The following C3 variants were observed in gnomAD, a reference collection of about 807,000 sequenced individuals.
C3 encodes the protein C3 and PZP-like alpha-2-macroglobulin domain-containing protein 1.
A neutral mutation model predicts 207.9 loss-of-function variants in C3; 97 were observed. That is an observed-to-expected ratio of 0.47 (90% confidence interval 0.40 to 0.55). The LOEUF (loss-of-function observed/expected upper bound fraction) is 0.55, where lower values mean the gene tolerates loss of function less well. Ranked by LOEUF, C3 falls within the 20% of genes least tolerant of loss-of-function variation. The probability of loss-of-function intolerance (pLI) is 0.00; values close to 1 mark genes in which losing one functional copy is unlikely to be tolerated. For missense variants in C3, 1,684 were observed against 2,171.7 expected, an observed-to-expected ratio of 0.78 and a Z score of 4.46; for synonymous variants, 848 against 857.6, an observed-to-expected ratio of 0.99 and a Z score of 0.20.
At position 6,678,093 on chromosome 19, in the gene C3, G is replaced by A. The variant is rs536092913; in HGVS notation, c.4850+59C>T. On this transcript the variant is annotated intron_variant, in intron 40 of 40. Coordinates refer to ENST00000245907, the MANE Select transcript of C3 (RefSeq NM_000064.4). The stretch of plus-strand genomic sequence containing the variant: ...TGGCGCAGGGGCGTGACAATGGTGT[G>A]GGCGTGGCATGGGCGGGGCAGTCGG... 5 of 1,614,048 alleles carry A rather than the reference G, an allele frequency of 3.1e-6. No individual in the cohort carries two copies. In the Admixed American group the frequency reaches 5.0e-5, roughly 16 times the overall value.
intron 33 of C3, chr19:6,682,790 A>G (rs1917897712): frequency 6.0e-6 from 1 of 166,848 alleles, no homozygotes; most frequent in African/African-American, 2.4e-5. Context: ...CACAGACAGC[A>G]AAGTGTGTAG....
In C3 at chr19:6,679,208, T is replaced by G. The variant is rs1019532370; in HGVS notation, c.4547A>C (p.Glu1516Ala). ...CRDELCRCAE[E>A]NCFIQKSDDK... ...ATCCGACTTTTGTATGAAGCAATTC[T>G]CTGCAGGGTGGGGTGGAGACAGGGT... The change falls in exon 38 of 41, where the codon GAG becomes GCG. Residue 1516 changes from glutamate (E) to alanine (A), a missense_variant and splice_region_variant. By Grantham distance (107) the Glu-to-Ala change is moderately radical (BLOSUM62 -1). Transcript: ENST00000245907. The G allele has an allele frequency of 2.2e-5, 35 of 1,613,818 alleles. No individual in the cohort carries two copies. Among genetic ancestry groups the G allele is most frequent in the Non-Finnish European group, 2.9e-5 (34 of 1,179,762 alleles).
intron 19 of C3, among the ~76,000 whole-genome samples, chr19:6,699,451 T>C (rs1478134425): frequency 6.6e-6 from 1 of 151,924 alleles, no homozygotes; most frequent in African/African-American, 2.4e-5. Flanking sequence ...AAACCTAGCA[T>C]CCTGCGCTGG....
At chr19:6,684,890 GTGATGGT>G in intron 30 of C3, 56 bp from the exon 31 acceptor site, 1 of 1,608,110 alleles carries the variant, frequency 6.2e-7, no homozygotes, top group Non-Finnish European at 8.5e-7. Flanking sequence ...TCTGCTGCCT[GTGATGGT>G]CACCTGGCCC....
At chr19:6,717,036 AT>A (rs113677312) in intron 4 of C3, 3,667 of 151,976 alleles carry the variant, frequency 0.024, 118 homozygotes, top group East Asian at 0.072. Context: ...AACAGGGAGG[AT>A]GGCCCGTGTG....
rs150374407 is a variant in C3, at chr19:6,709,828, G to A, written c.1701C>T (p.Ser567=). 7.4e-6 allele frequency: 12 copies of A among 1,613,824 alleles called. No homozygotes were observed. Among genetic ancestry groups the A allele is most frequent in the Middle Eastern group, 1.7e-4 (1 of 6,060 alleles). Residue 567 remains serine (S), a synonymous_variant, in exon 14 of 41, where the codon AGC becomes AGT. Transcript: ENST00000245907. ...DSCVGSLVVK[S]GQSEDRQPVP... ...CAGGCTGCCGGTCTTCTGACTGGCC[G>A]CTTTTTACCACCAGCTGTGGGGAGG... is the stretch of plus-strand genomic sequence containing the variant.
chr19:6,705,745 G>A (rs1234108022), intron 17 of C3, among the ~76,000 whole-genome samples: 2 of 151,704 alleles, frequency 1.3e-5, no homozygotes, highest in African/African-American at 4.9e-5. Context: ...CACAATCTCA[G>A]CTCACTGCAA....
intron 33 of C3, 168 bp downstream of exon 33, chr19:6,684,220 A>G: frequency 1.4e-6 from 1 of 735,268 alleles, no homozygotes; most frequent in East Asian, 2.5e-5. Context: ...TCACATTAAC[A>G]TGCAAAGCAA....
intron 27 of C3, among the ~76,000 whole-genome samples, chr19:6,689,298 CCTCTCTCT>C (rs371248769): frequency 1.8e-5 from 2 of 113,010 alleles, no homozygotes; most frequent in Non-Finnish European, 3.7e-5. Flanking sequence ...CCCCACCTCT[CCTCTCTCT>C]CTCTCTCTCT....
chr19:6,709,460 C>CA, intron 14 of C3, among the ~76,000 whole-genome samples: 1 of 151,764 alleles, frequency 6.6e-6, no homozygotes. Flanking sequence ...AACAAACAAA[C>CA]AAACAGAAAA....
intron 38 of C3, 129 bp from the exon 39 acceptor site, chr19:6,678,584 C>T: frequency 1.4e-6 from 1 of 711,328 alleles, no homozygotes; most frequent in Non-Finnish European, 2.5e-6. Context: ...CAGCCAGTCA[C>T]ACTATGGCCC....
At chr19:6,687,674 T>C (rs1315128753) in intron 27 of C3, among the ~76,000 whole-genome samples, 2 of 151,900 alleles carry the variant, frequency 1.3e-5, no homozygotes, top group Admixed American at 1.3e-4. Context: ...ACCACAGTAT[T>C]ATATAGTATT....
At chr19:6,680,347 A>G (rs1917829490) in intron 35 of C3, 84 bp from the exon 36 acceptor site, 1 of 782,934 alleles carries the variant, frequency 1.3e-6, no homozygotes, top group South Asian at 1.4e-5. Context: ...AGTGGTGGAG[A>G]AACTGAAGGA....
intron 28 of C3, 173 bp downstream of exon 28, chr19:6,686,573 C>T: frequency 1.2e-6 from 1 of 812,672 alleles, no homozygotes; most frequent in Admixed American, 1.8e-5. Context: ...AGCCGTGCAT[C>T]CCAGCTCAGC....
intron 26 of C3, among the ~76,000 whole-genome samples, chr19:6,691,224 T>A (rs978346606): frequency 6.6e-6 from 1 of 152,044 alleles, no homozygotes; most frequent in African/African-American, 2.4e-5. Flanking sequence ...AAGCTAATTT[T>A]TTTGTATTTA....
At chr19:6,697,851 G>C in intron 19 of C3, 57 bp from the exon 20 acceptor site, 2 of 1,561,900 alleles carry the variant, frequency 1.3e-6, no homozygotes, top group Non-Finnish European at 1.7e-6. Flanking sequence ...ACAAGGCCAG[G>C]CTCCTGGGTC....
At chr19:6,685,842 G>A (rs573049561) in intron 29 of C3, among the ~76,000 whole-genome samples, 1 of 152,354 alleles carries the variant, frequency 6.6e-6, no homozygotes, top group East Asian at 1.9e-4. Context: ...AGCCCACCAG[G>A]TGGAGAGAGA....
intron 27 of C3, among the ~76,000 whole-genome samples, 197 bp downstream of exon 27, chr19:6,690,432 G>A (rs1408570289): frequency 2.6e-5 from 4 of 152,224 alleles, no homozygotes; most frequent in African/African-American, 9.6e-5. Flanking sequence ...GACTTAACAT[G>A]TGAAACTATT....
chr19:6,689,304 T>C lies in C3; in HGVS notation c.3489+1325A>G, dbSNP rs183193311. ...TTTGTCTGACCCCACCTCTCCTCTC[T>C]CTCTCTCTCTCTCTCTCTACCTACC... On this transcript the variant is annotated intron_variant, in intron 27 of 40. Coordinates refer to ENST00000245907, the MANE Select transcript of C3 (RefSeq NM_000064.4). 2.0e-3 allele frequency among the ~76,000 whole-genome samples: 234 copies of C among 115,226 alleles called. 2 individuals carry two copies. The highest frequency in any genetic ancestry group is 6.9e-3 in the African/African-American group (215 of 31,168). The allele number at this position is 115,226 out of a possible 152,430, so 75.6% of individuals were successfully genotyped here.
Sources: gnomAD v4.1 joint callset for allele counts (sites outside exome capture counted in the v4.1 genomes callset) on GRCh38, gnomAD v4.1.1 for gene constraint, MANE v1.5 for transcripts, NCBI Gene and HGNC (gene_info 2026-07-23, HGNC 2026-07-21) for gene names.